The following SLC2A2 variants were observed in gnomAD, a reference collection of about 807,000 sequenced individuals.
SLC2A2 encodes solute carrier family 2, facilitated glucose transporter member 2.
SLC2A2 carries 36 observed loss-of-function variants against 54.5 expected under a neutral mutation model. The ratio of observed to expected loss-of-function variants is 0.66; its 90% confidence interval spans 0.51 to 0.87. The LOEUF (loss-of-function observed/expected upper bound fraction) is 0.87. Among genes scored for constraint, SLC2A2 ranks in the 40% least tolerant of loss-of-function variants. The pLI, the probability that SLC2A2 is intolerant of heterozygous loss-of-function variation, is 0.00. For missense variants in SLC2A2, 543 were observed against 624.3 expected, an observed-to-expected ratio of 0.87 and a Z score of 1.39; for synonymous variants, 223 against 219.1, an observed-to-expected ratio of 1.02 and a Z score of -0.16.
rs541564674 is a variant in SLC2A2, at chr3:170,996,481, C to T, written c.*1422G>A. The T allele has an allele frequency of 9.3e-5, 37 of 395,804 alleles. 1 individual carries two copies. The Middle Eastern group carries it at 5.1e-3, about 55-fold the overall frequency. The allele number at this position is 395,804 out of a possible 1,614,324, so 24.5% of individuals were successfully genotyped here. A position where few individuals can be genotyped will look rare whatever the true frequency, so the allele number is the denominator to read the frequency against. ...GTACTTTTTAAAAAGTGCTTTTCTT[C>T]AATACACATTAAAGCAAACATAAGA... On this transcript the variant is annotated 3_prime_UTR_variant, in exon 11 of 11. Transcript: ENST00000314251.
At chr3:171,002,528 T>C (rs750895687) in intron 8 of SLC2A2, 48 bp downstream of exon 8, 11 of 1,266,386 alleles carry the variant, frequency 8.7e-6, no homozygotes, top group Non-Finnish European at 1.3e-5. Flanking sequence ...CTCCTGCAAT[T>C]TCTGGACTAA....
chr3:171,019,036 T>C (rs1716293470), intron 1 of SLC2A2, among the ~76,000 whole-genome samples: 1 of 148,186 alleles, frequency 6.7e-6, no homozygotes, highest in Admixed American at 6.7e-5. Context: ...AACTTTGTTT[T>C]ATATATATAT....
rs530029397 is a variant in SLC2A2 at position 171,025,850 on chromosome 3, T to C, written c.15+806A>G. Among the ~76,000 whole-genome samples the C allele has an allele frequency of 4.6e-5, 7 of 150,664 alleles. No homozygotes were observed. The South Asian group carries it at 6.3e-4, about 13-fold the overall frequency. On this transcript the variant is annotated intron_variant, in intron 1 of 10. Coordinates refer to ENST00000314251, the MANE Select transcript of SLC2A2 (RefSeq NM_000340.2). ...ACACTATATCCTTTATATTTTTAAG[T>C]TTTTTTTTAAAGTATCATATCTAGA...
chr3:171,018,490 C>G (rs929574168), intron 2 of SLC2A2, 41 bp downstream of exon 2: 1 of 1,350,174 alleles, frequency 7.4e-7, no homozygotes, highest in African/African-American at 1.4e-5. Context: ...CTATCACTGA[C>G]AGAACTTGCC....
In SLC2A2 at chr3:171,010,035, A is replaced by G. The variant is rs2108250641; in HGVS notation, c.419T>C (p.Leu140Pro). The G allele has an allele frequency of 6.2e-7, 1 of 1,613,050 alleles. No homozygotes were observed. The highest frequency in any genetic ancestry group is 2.2e-5 in the East Asian group (1 of 44,840). Reference protein sequence around the residue: ...VANILSLVGALLMGFSKLGPS... With the variant: ...VANILSLVGAPLMGFSKLGPS... Reference sequence around the variant, plus strand: ...TCCCAATTTTGAAAACCCCATCAAGAGAGCTCCAACTAATGACAGAATGTT... The same window carrying G: ...TCCCAATTTTGAAAACCCCATCAAGGGAGCTCCAACTAATGACAGAATGTT... The change falls in exon 4 of 11, where the codon CTC (leucine) becomes CCC (proline). Residue 140 changes from leucine to proline, a missense_variant. Leu to Pro is a moderately conservative substitution (Grantham distance 98, BLOSUM62 -3). This residue lies in a region of SLC2A2 where 318 missense variants were observed against 343.8 expected (regional missense o/e 0.93). Transcript: ENST00000314251.
chr3:171,004,751 G>T (rs1715511548), intron 7 of SLC2A2, among the ~76,000 whole-genome samples: 1 of 151,926 alleles, frequency 6.6e-6, no homozygotes, highest in Admixed American at 6.6e-5. Flanking sequence ...ATCATGTATT[G>T]TCTACCGTCC....
intron 1 of SLC2A2, among the ~76,000 whole-genome samples, chr3:171,024,284 T>TTTGACAA (rs1716590520): frequency 6.6e-6 from 1 of 152,202 alleles, no homozygotes; most frequent in Non-Finnish European, 1.5e-5. Context: ...AACAGCCATG[T>TTTGACAA]GTCAACTTTT....
intron 4 of SLC2A2, among the ~76,000 whole-genome samples, chr3:171,008,358 A>G (rs1485081164): frequency 2.0e-5 from 3 of 152,100 alleles, no homozygotes; most frequent in African/African-American, 7.2e-5. Flanking sequence ...GAAAAAAATC[A>G]TTTATTTGGC....
intron 9 of SLC2A2, 115 bp downstream of exon 9, chr3:170,998,950 A>G (rs1715219818): frequency 6.4e-6 from 5 of 779,928 alleles, no homozygotes; most frequent in Admixed American, 5.2e-5. Context: ...CTCTGGCTTT[A>G]TTTCGTAAGT....
At chr3:170,999,790 G>A (rs1334920450) in intron 8 of SLC2A2, among the ~76,000 whole-genome samples, 1 of 152,064 alleles carries the variant, frequency 6.6e-6, no homozygotes, top group Non-Finnish European at 1.5e-5. Flanking sequence ...TGCTGGGAGT[G>A]AACTATTCGT....
chr3:170,997,839 C>T lies in SLC2A2; in HGVS notation c.*64G>A. Reference sequence around the variant, plus strand: ...TGTGGATATAAAATGCTCAAGGAATCATCATTTAAAAACAGACGGTTCCCT... The same window carrying T: ...TGTGGATATAAAATGCTCAAGGAATTATCATTTAAAAACAGACGGTTCCCT... On this transcript the variant is annotated 3_prime_UTR_variant, in exon 11 of 11. Coordinates refer to ENST00000314251, the MANE Select transcript of SLC2A2 (RefSeq NM_000340.2). 1 of 1,299,456 alleles carries T rather than the reference C, an allele frequency of 7.7e-7. No homozygotes were observed. 80.5% of individuals were successfully genotyped at this position (1,299,456 alleles called of 1,614,324 possible).
intron 8 of SLC2A2, 38 bp from the exon 9 acceptor site, chr3:170,999,204 G>T: frequency 7.5e-7 from 1 of 1,324,704 alleles, no homozygotes; most frequent in Non-Finnish European, 1.1e-6. Flanking sequence ...AGTTTTGTGA[G>T]TCACAAAATA....
At chr3:171,026,448 T>TA (rs1193409093) in intron 1 of SLC2A2, among the ~76,000 whole-genome samples, 3 of 151,230 alleles carry the variant, frequency 2.0e-5, no homozygotes, top group Admixed American at 6.6e-5. Context: ...TGAAAAAACT[T>TA]ATGCAGACTA....
chr3:171,010,042 C>A lies in SLC2A2; in HGVS notation c.412G>T (p.Gly138Ter). 6.2e-7 allele frequency: 1 copy of A among 1,609,018 alleles called. No individual in the cohort carries two copies. The highest frequency in any genetic ancestry group is 8.5e-7 in the Non-Finnish European group (1 of 1,176,900). The change falls in exon 4 of 11, where the codon GGA becomes TGA. Residue 138 changes from glycine to a stop codon, truncating the protein, a stop_gained. Transcript: ENST00000314251. LOFTEE classifies it high-confidence loss of function. ...TTTGAAAACCCCATCAAGAGAGCTC[C>A]AACTAATGACAGAATGTTTGCTACT... ...MLVANILSLVGALLMGFSKLG... is the reference protein window; with the variant it reads ...MLVANILSLV
intron 4 of SLC2A2, 109 bp downstream of exon 4, chr3:171,009,849 A>G: frequency 6.9e-7 from 1 of 1,453,406 alleles, no homozygotes; most frequent in Non-Finnish European, 9.3e-7. Context: ...ATGTCACCCT[A>G]GACTCAAAAA....
intron 1 of SLC2A2, among the ~76,000 whole-genome samples, chr3:171,022,159 C>T (rs959373475): frequency 3.3e-5 from 5 of 152,186 alleles, no homozygotes; most frequent in African/African-American, 1.2e-4. Context: ...TTATAGATAA[C>T]TAGATTAGTT....
intron 3 of SLC2A2, 91 bp downstream of exon 3, chr3:171,014,378 A>C: frequency 7.1e-7 from 1 of 1,414,148 alleles, no homozygotes. Flanking sequence ...AAGCTATTCC[A>C]CAAGAAGAAA....
At chr3:171,020,174 G>C (rs1716387608) in intron 1 of SLC2A2, among the ~76,000 whole-genome samples, 1 of 152,124 alleles carries the variant, frequency 6.6e-6, no homozygotes, top group South Asian at 2.1e-4. Context: ...TAAAGCCCCA[G>C]TATAAAGAAT....
At chr3:171,023,809 A>G (rs543151455) in intron 1 of SLC2A2, among the ~76,000 whole-genome samples, 9 of 152,348 alleles carry the variant, frequency 5.9e-5, no homozygotes, top group African/African-American at 1.9e-4. Context: ...AAGATCTTCA[A>G]GCCTTTTCTC....
Sources: allele counts gnomAD v4.1 joint callset (sites outside exome capture counted in the v4.1 genomes callset), GRCh38; gene constraint gnomAD v4.1.1; regional missense constraint gnomAD v4.1.1; transcripts MANE v1.5; gene names NCBI Gene and HGNC (gene_info 2026-07-23, HGNC 2026-07-21).